NALF1: variants seen among roughly 807,000 people sequenced by gnomAD.
NALF1 encodes NALCN channel auxiliary factor 1.
In NALF1, 3 loss-of-function variants were observed where a neutral mutation model predicts 48.4. That is an observed-to-expected ratio of 0.06 (90% CI 0.03 to 0.16). The LOEUF (loss-of-function observed/expected upper bound fraction) is 0.16, where lower values mean the gene tolerates loss of function less well. Ranked by LOEUF, NALF1 falls within the 10% of genes least tolerant of loss-of-function variation. The pLI is 1.00. For synonymous variants in NALF1, 262 were observed against 245.7 expected (o/e 1.07, Z -0.62); for missense variants, 526 against 571.5 (o/e 0.92, Z 0.81).
chr13:107,771,170 C>A (rs1877566004), intron 1 of NALF1, among the ~76,000 whole-genome samples: 1 of 151,936 alleles, frequency 6.6e-6, no homozygotes, highest in Admixed American at 6.6e-5. Flanking sequence ...GTAAAATTAA[C>A]AGAACTTTTA....
chr13:107,477,627 A>G (rs1447548179), intron 1 of NALF1, among the ~76,000 whole-genome samples: 1 of 152,088 alleles, frequency 6.6e-6, no homozygotes, highest in Non-Finnish European at 1.5e-5. Flanking sequence ...GTAGTTGCTC[A>G]AGACAACCTT....
chr13:107,782,853 C>A (rs1329345808), intron 1 of NALF1, among the ~76,000 whole-genome samples: 2 of 151,090 alleles, frequency 1.3e-5, no homozygotes, highest in African/African-American at 4.9e-5. Context: ...GACCCTCCGC[C>A]CGGCAGCCGC....
At chr13:107,319,680 G>A (rs1233047145) in intron 1 of NALF1, among the ~76,000 whole-genome samples, 1 of 152,116 alleles carries the variant, frequency 6.6e-6, no homozygotes, top group Non-Finnish European at 1.5e-5. Context: ...TTATACAGAT[G>A]AATAAATAGG....
At chr13:107,403,133 C>T (rs544477437) in intron 1 of NALF1, among the ~76,000 whole-genome samples, 1 of 143,428 alleles carries the variant, frequency 7.0e-6, no homozygotes, top group African/African-American at 2.5e-5. Context: ...GGACTAGTGT[C>T]CACACTTGAC....
At chr13:107,233,500 A>G (rs1880271493) in intron 1 of NALF1, among the ~76,000 whole-genome samples, 1 of 152,198 alleles carries the variant, frequency 6.6e-6, no homozygotes, top group Non-Finnish European at 1.5e-5. Flanking sequence ...TTCTTTATCC[A>G]TCTTAATCTT....
At chr13:107,264,644 C>A (rs1881004722) in intron 1 of NALF1, among the ~76,000 whole-genome samples, 1 of 152,200 alleles carries the variant, frequency 6.6e-6, no homozygotes, top group Admixed American at 6.5e-5. Context: ...TTAGAAGGAA[C>A]AACTATTAAT....
In NALF1 at chr13:107,561,924, G is replaced by A. The variant is rs9630327; in HGVS notation, c.915+303758C>T. ...CATTATTTATTAATGGACTTAGATC[G>A]TATCAAAAGAAACTTTCCTAGGTTT... On this transcript the variant is annotated intron_variant, in intron 1 of 2. Coordinates refer to ENST00000375915, the MANE Select transcript of NALF1 (RefSeq NM_001080396.3). Among the ~76,000 whole-genome samples the A allele has an allele frequency of 5.3e-5, 8 of 152,252 alleles. No individual in the cohort carries two copies. The East Asian group carries it at 5.8e-4, about 11-fold the overall frequency.
At chr13:107,572,779 C>T (rs915685084) in intron 1 of NALF1, among the ~76,000 whole-genome samples, 3 of 152,136 alleles carry the variant, frequency 2.0e-5, no homozygotes, top group African/African-American at 7.2e-5. Context: ...AGGTCGAAAA[C>T]CAAATTCATC....
chr13:107,770,663 G>T (rs772473968), intron 1 of NALF1, among the ~76,000 whole-genome samples: 1 of 152,072 alleles, frequency 6.6e-6, no homozygotes, highest in East Asian at 1.9e-4. Context: ...CAAAATGCAG[G>T]GTTTACTAAC....
At chr13:107,463,682 C>G (rs1884955049) in intron 1 of NALF1, among the ~76,000 whole-genome samples, 1 of 151,944 alleles carries the variant, frequency 6.6e-6, no homozygotes, top group African/African-American at 2.4e-5. Flanking sequence ...TACAGAGGTT[C>G]AAAAATAAGG....
At position 107,539,389 on chromosome 13, in the gene NALF1, C is replaced by T. The variant is rs897985226; in HGVS notation, c.915+326293G>A. ...CTCCCACGATAATGAAACATGAATC[C>T]ATTGAAGAGGGCTCTGCCCTTGTGA... On this transcript the variant is annotated intron_variant, in intron 1 of 2. Coordinates refer to ENST00000375915, the MANE Select transcript of NALF1 (RefSeq NM_001080396.3). Among the ~76,000 whole-genome samples the T allele has an allele frequency of 6.0e-5, 9 of 151,184 alleles. 1 individual carries two copies. The highest frequency in any genetic ancestry group is 2.2e-4 in the African/African-American group (9 of 40,572).
intron 1 of NALF1, among the ~76,000 whole-genome samples, chr13:107,595,218 C>T (rs1241816832): frequency 1.3e-5 from 2 of 152,036 alleles, no homozygotes; most frequent in Admixed American, 6.6e-5. Flanking sequence ...GTCAAACCAT[C>T]CATAATCATG....
chr13:107,648,362 C>G (rs545824876), intron 1 of NALF1, among the ~76,000 whole-genome samples: 1 of 152,140 alleles, frequency 6.6e-6, no homozygotes, highest in East Asian at 1.9e-4. Flanking sequence ...TCCAAATCCA[C>G]GATAACCACT....
chr13:107,229,954 C>T (rs991936988), intron 1 of NALF1, among the ~76,000 whole-genome samples: 12 of 152,038 alleles, frequency 7.9e-5, no homozygotes, highest in African/African-American at 2.9e-4. Flanking sequence ...TTGCATTCTG[C>T]GATGGAAGAT....
chr13:107,195,213 G>T (rs1003114164), intron 2 of NALF1, among the ~76,000 whole-genome samples: 1 of 152,104 alleles, frequency 6.6e-6, no homozygotes, highest in Non-Finnish European at 1.5e-5. Flanking sequence ...TAAAATCTCA[G>T]AAATCACCAG....
At chr13:107,725,409 T>A (rs986813632) in intron 1 of NALF1, among the ~76,000 whole-genome samples, 2 of 151,626 alleles carry the variant, frequency 1.3e-5, no homozygotes, top group African/African-American at 2.4e-5. Context: ...TTGCTAAGAG[T>A]AGAAAAAGTG....
chr13:107,684,763 TATC>T (rs1347614144), intron 1 of NALF1, among the ~76,000 whole-genome samples: 2 of 152,200 alleles, frequency 1.3e-5, no homozygotes, highest in East Asian at 3.8e-4. Flanking sequence ...ACTCAGTACT[TATC>T]AACACGCACA....
chr13:107,287,826 C>T (rs966311465), intron 1 of NALF1, among the ~76,000 whole-genome samples: 5 of 151,658 alleles, frequency 3.3e-5, no homozygotes, highest in African/African-American at 1.2e-4. Context: ...CTGCCTCAGC[C>T]TCCCGAGTAA....
At chr13:107,512,761 G>A (rs1333400621) in intron 1 of NALF1, among the ~76,000 whole-genome samples, 4 of 152,128 alleles carry the variant, frequency 2.6e-5, no homozygotes, top group Non-Finnish European at 5.9e-5. Context: ...ATGGAAAGGG[G>A]TGGTAAGTAA....
Sources: allele counts gnomAD v4.1 joint callset (sites outside exome capture counted in the v4.1 genomes callset), GRCh38; gene constraint gnomAD v4.1.1; transcripts MANE v1.5; gene names NCBI Gene and HGNC (gene_info 2026-07-23, HGNC 2026-07-21).